ASPG: variants seen among roughly 807,000 people sequenced by gnomAD.
ASPG encodes the protein 60 kDa lysophospholipase.
Under a neutral mutation model 63.2 loss-of-function variants are expected in ASPG, and 53 were observed. The ratio of observed to expected loss-of-function variants is 0.84; its 90% CI spans 0.67 to 1.05. The LOEUF (loss-of-function observed/expected upper bound fraction) is 1.05. Ranked by LOEUF, ASPG falls within the 50% of genes least tolerant of loss-of-function variation. The pLI, the probability that ASPG is intolerant of heterozygous loss-of-function variation, is 0.00. For synonymous variants in ASPG, 370 were observed against 355.0 expected, an observed-to-expected ratio of 1.04 and a Z score of -0.48; for missense variants, 741 against 794.4, an observed-to-expected ratio of 0.93 and a Z score of 0.81.
In ASPG at chr14:104,103,454, G is replaced by A. The variant is rs552193542; in HGVS notation, c.641-109G>A. ...GGGGGCTGAGCCGCGAAGGCTCAGG[G>A]CTCTGAAAACAAGGGAGGAGGCGGC... On this transcript the variant is annotated intron_variant, in intron 6 of 15. Transcript: ENST00000551177. 7.2e-5 allele frequency: 68 copies of A among 943,998 alleles called. No homozygotes were observed. In the Middle Eastern group the frequency reaches 1.3e-3, roughly 18 times the overall value. 58.5% of individuals were successfully genotyped at this position (943,998 alleles called of 1,614,324 possible).
rs1326053002 is a variant in ASPG at position 104,104,235 on chromosome 14, T to C, written c.754-69T>C. ...TGGGGTCCCTCTCCTTGGGAGGGCA[T>C]GGGGCGAGTCTCAGTGGTGCTGAGG... On this transcript the variant is annotated intron_variant, in intron 7 of 15. Transcript: ENST00000551177. 22 of 1,506,984 alleles carry C rather than the reference T, an allele frequency of 1.5e-5. No homozygotes were observed. In the East Asian group the frequency reaches 3.3e-4, roughly 23 times the overall value. The allele number at this position is 1,506,984 out of a possible 1,614,324, so 93.4% of individuals were successfully genotyped here.
At chr14:104,095,075 G>T (rs2140994212) in intron 3 of ASPG, among the ~76,000 whole-genome samples, 1 of 152,278 alleles carries the variant, frequency 6.6e-6, no homozygotes, top group African/African-American at 2.4e-5. Flanking sequence ...TCCAGATCCA[G>T]GCAACCTCCA....
chr14:104,098,717 C>A, intron 5 of ASPG, 136 bp from the exon 6 acceptor site: 1 of 1,368,148 alleles, frequency 7.3e-7, no homozygotes, highest in Non-Finnish European at 9.9e-7. Flanking sequence ...AAGGTCTCTG[C>A]CTGCGGTGGG....
intron 5 of ASPG, 23 bp from the exon 6 acceptor site, chr14:104,098,830 A>T: frequency 6.2e-7 from 1 of 1,610,182 alleles, no homozygotes; most frequent in Non-Finnish European, 8.5e-7. Flanking sequence ...GCTGCTCTGA[A>T]CTCTGTCGCT....
intron 6 of ASPG, among the ~76,000 whole-genome samples, chr14:104,101,760 C>G (rs1352775026): frequency 6.8e-6 from 1 of 147,414 alleles, no homozygotes; most frequent in Non-Finnish European, 1.5e-5. Flanking sequence ...GAAGCCACCT[C>G]CCTCCCAGAC....
rs371432546 is a variant in ASPG, at chr14:104,104,666, G to A, written c.981G>A (p.Ser327=). The change falls in exon 9 of 16, where the codon TCG becomes TCA. Residue 327 remains serine (S), a synonymous_variant. Coordinates refer to ENST00000551177, the MANE Select transcript of ASPG (RefSeq NM_001080464.3). ...AGVISGFDMT[S]EAALAKLSYV... is the part of the protein sequence containing the mutation. ...TCATCTCAGGCTTCGACATGACATCGGAGGCCGCCCTGGCCAAGCTATCGT... is the reference window on the plus strand; with the variant it reads ...TCATCTCAGGCTTCGACATGACATCAGAGGCCGCCCTGGCCAAGCTATCGT... The A allele has an allele frequency of 1.2e-5, 19 of 1,611,044 alleles. No homozygotes were observed. The African/African-American group carries it at 1.5e-4, about 12-fold the overall frequency.
chr14:104,092,816 T>C, intron 2 of ASPG, 75 bp downstream of exon 2: 1 of 1,301,906 alleles, frequency 7.7e-7, no homozygotes, highest in African/African-American at 1.5e-5. Context: ...TGGGCACTGC[T>C]GGCCAGGCCC....
rs1380024764 is a variant in ASPG, at chr14:104,103,621, C to T, written c.699C>T (p.Ser233=). 6.5e-7 allele frequency: 1 copy of T among 1,548,152 alleles called. No homozygotes were observed. Residue 233 remains serine (S), a synonymous_variant, in exon 7 of 16, where the codon AGC becomes AGT. Coordinates refer to ENST00000551177, the MANE Select transcript of ASPG (RefSeq NM_001080464.3). ...DGKAGLVVHS[S]MEQDVGLLRL... ...AGGCTGGGCTGGTGGTGCACAGCAG[C>T]ATGGAGCAGGACGTGGGCCTGCTGC...
At chr14:104,085,985 T>A in intron 1 of ASPG, 133 bp downstream of exon 1, 1 of 810,562 alleles carries the variant, frequency 1.2e-6, no homozygotes, top group Non-Finnish European at 1.8e-6. Context: ...CTGAGGTCGC[T>A]CTCCTCCGGT....
intron 3 of ASPG, 91 bp from the exon 4 acceptor site, chr14:104,095,440 C>A: frequency 6.4e-7 from 1 of 1,568,682 alleles, no homozygotes; most frequent in Non-Finnish European, 8.6e-7. Context: ...GAGTCCTCCT[C>A]TCTGCATCCG....
intron 15 of ASPG, 105 bp downstream of exon 15, chr14:104,112,105 G>A: frequency 9.3e-7 from 1 of 1,081,064 alleles, no homozygotes; most frequent in Non-Finnish European, 1.3e-6. Context: ...AACCGGAGGA[G>A]GCTGAGATGG....
rs1368946223 is a variant in ASPG, at chr14:104,092,659, G to C, written c.109G>C (p.Ala37Pro). Residue 37 changes from alanine to proline, a missense_variant, in exon 2 of 16, where the codon GCC becomes CCC. By Grantham distance (27) the Ala-to-Pro change is conservative. Coordinates refer to ENST00000551177, the MANE Select transcript of ASPG (RefSeq NM_001080464.3). ...GVLVPGTGLA[A>P]ILRTLPMFHD... is the part of the protein sequence containing the mutation. The stretch of plus-strand genomic sequence containing the variant: ...GCTTGTGCCCGGGACGGGCCTGGCT[G>C]CCATCCTGAGGACACTGCCCATGTT... 1 of 1,536,872 alleles carries C rather than the reference G, an allele frequency of 6.5e-7. No homozygotes were observed. The highest frequency in any genetic ancestry group is 8.7e-7 in the Non-Finnish European group (1 of 1,147,484).
chr14:104,103,760 C>T (rs1334731776), intron 7 of ASPG, 85 bp downstream of exon 7: 3 of 1,213,998 alleles, frequency 2.5e-6, no homozygotes, highest in Non-Finnish European at 3.5e-6. Context: ...TCCCTGGGGC[C>T]CTCACCAGCC....
chr14:104,098,786 G>A, intron 5 of ASPG, 67 bp from the exon 6 acceptor site: 2 of 1,580,588 alleles, frequency 1.3e-6, no homozygotes, highest in Non-Finnish European at 1.7e-6. Context: ...CAGGGAGGAA[G>A]CTGGAGGGCA....
intron 3 of ASPG, among the ~76,000 whole-genome samples, chr14:104,094,835 G>A (rs2036523249): frequency 1.3e-5 from 2 of 152,342 alleles, no homozygotes; most frequent in African/African-American, 4.8e-5. Flanking sequence ...AGCAGAGGGC[G>A]CCCTTCCCCT....
chr14:104,099,664 G>A (rs979668419), intron 6 of ASPG, among the ~76,000 whole-genome samples: 5 of 152,230 alleles, frequency 3.3e-5, no homozygotes, highest in Admixed American at 2.0e-4. Flanking sequence ...CCAGGTCCAC[G>A]GCCAGCATGG....
chr14:104,097,541 G>T lies in ASPG; in HGVS notation c.430-13G>T. 2 of 1,550,418 alleles carry T rather than the reference G, an allele frequency of 1.3e-6. No individual in the cohort carries two copies. The highest frequency in any genetic ancestry group is 2.4e-5 in the South Asian group (2 of 83,982). Reference sequence around the variant, plus strand: ...CTTCCCAGGCCTCAGCTACTCCGTGGCCTCTCCCCCAGGTGCCCATCCATG... The same window carrying T: ...CTTCCCAGGCCTCAGCTACTCCGTGTCCTCTCCCCCAGGTGCCCATCCATG... On this transcript the variant is annotated splice_polypyrimidine_tract_variant and intron_variant, in intron 4 of 15. Coordinates refer to ENST00000551177, the MANE Select transcript of ASPG (RefSeq NM_001080464.3).
In ASPG at chr14:104,110,294, C is replaced by G. The variant is rs2037332837; in HGVS notation, c.1520+979C>G. On this transcript the variant is annotated intron_variant, in intron 13 of 15. Coordinates refer to ENST00000551177, the MANE Select transcript of ASPG (RefSeq NM_001080464.3). This position sits in a 1 kb window ranked among gnomAD's most constrained non-coding sequence, Gnocchi z 4.7. ...GAGGGGGTGGGTGCAGGCGCCTGCC[C>G]AGCAGGAGGAGGACTAGCAGCTCTG... is the stretch of plus-strand genomic sequence containing the variant. The G allele has an allele frequency of 8.1e-6, 8 of 985,162 alleles. No homozygotes were observed. The highest frequency in any genetic ancestry group is 9.6e-6 in the Non-Finnish European group (8 of 829,896). The allele number at this position is 985,162 out of a possible 1,614,324, so 61.0% of individuals were successfully genotyped here.
intron 3 of ASPG, among the ~76,000 whole-genome samples, chr14:104,094,540 C>T (rs1427483437): frequency 6.6e-6 from 1 of 152,128 alleles, no homozygotes; most frequent in Non-Finnish European, 1.5e-5. Context: ...TAGGGGGCCT[C>T]CTGCCCGCTC....
Sources: gnomAD v4.1 joint callset for allele counts (sites outside exome capture counted in the v4.1 genomes callset) on GRCh38, gnomAD v4.1.1 for gene constraint, Gnocchi (gnomAD v3.1) non-coding constraint, MANE v1.5 for transcripts, NCBI Gene and HGNC (gene_info 2026-07-23, HGNC 2026-07-21) for gene names.